Variants in LDLRAD4 observed in about 807,000 individuals in gnomAD.
LDLRAD4 encodes low density lipoprotein receptor class A domain containing 4.
A neutral mutation model predicts 17.0 loss-of-function variants in LDLRAD4; 5 were observed. The observed-to-expected ratio is 0.29, with a 90% CI of 0.15 to 0.62. The LOEUF is 0.62. LDLRAD4 is among the 20% of genes least tolerant of loss of function. LDLRAD4 has a pLI of 0.84. For missense variants in LDLRAD4, 340 were observed against 424.7 expected, an observed-to-expected ratio of 0.80 and a Z score of 1.75; for synonymous variants, 168 against 171.8, an observed-to-expected ratio of 0.98 and a Z score of 0.17.
intron 1 of LDLRAD4, among the ~76,000 whole-genome samples, chr18:13,320,703 T>A (rs1351617058): frequency 1.3e-5 from 2 of 152,160 alleles, no homozygotes; most frequent in Non-Finnish European, 2.9e-5. Context: ...GCTGTGGGAA[T>A]CCCGCTGCCA....
At chr18:13,221,029 T>A (rs2041424881) in intron 1 of LDLRAD4, among the ~76,000 whole-genome samples, 1 of 152,198 alleles carries the variant, frequency 6.6e-6, no homozygotes, top group African/African-American at 2.4e-5. Flanking sequence ...ATCTTTCTGG[T>A]AGTCCTTGCC....
At chr18:13,469,942 A>G (rs2092722404) in intron 3 of LDLRAD4, among the ~76,000 whole-genome samples, 1 of 152,196 alleles carries the variant, frequency 6.6e-6, no homozygotes, top group African/African-American at 2.4e-5. Flanking sequence ...CTAAAAATAA[A>G]TCTAATAATG....
intron 1 of LDLRAD4, among the ~76,000 whole-genome samples, chr18:13,357,362 C>G (rs931803439): frequency 6.6e-6 from 1 of 151,894 alleles, no homozygotes; most frequent in Middle Eastern, 3.2e-3. Context: ...CATGAGCCCC[C>G]ACACCCAGTT....
At chr18:13,245,807 C>T (rs2042927195) in intron 1 of LDLRAD4, among the ~76,000 whole-genome samples, 1 of 152,224 alleles carries the variant, frequency 6.6e-6, no homozygotes, top group Non-Finnish European at 1.5e-5. Flanking sequence ...TGCATGCTGG[C>T]TGTTCTCCAG....
chr18:13,645,303 G>T lies in LDLRAD4; in HGVS notation c.567G>T (p.Leu189=), dbSNP rs562982709. 1.9e-6 allele frequency: 3 copies of T among 1,614,184 alleles called. No homozygotes were observed. Among genetic ancestry groups the T allele is most frequent in the Non-Finnish European group, 2.5e-6 (3 of 1,180,032 alleles). Residue 189 remains leucine, a synonymous_variant, in exon 6 of 6, where the codon CTG becomes CTT. Coordinates refer to ENST00000359446, the Ensembl canonical transcript of LDLRAD4. This position sits in a 1 kb window ranked among gnomAD's most constrained non-coding sequence, Gnocchi z 5.7. ...CTCCTTACCAGGGGCCCTGCACCCT[G>T]CAGCTCCGGGACCCTGAACAGCAGA...
intron 1 of LDLRAD4, among the ~76,000 whole-genome samples, chr18:13,304,307 G>A (rs941726999): frequency 6.6e-6 from 1 of 152,242 alleles, no homozygotes; most frequent in African/African-American, 2.4e-5. Context: ...GGCAGCGTGG[G>A]GAAGGGGAGG....
chr18:13,546,467 C>T (rs970311582), intron 3 of LDLRAD4, among the ~76,000 whole-genome samples: 2 of 151,308 alleles, frequency 1.3e-5, no homozygotes, highest in African/African-American at 2.4e-5. Context: ...TTCCCAGGCT[C>T]AAGCGATTCT....
At chr18:13,426,820 G>A (rs192414535) in intron 2 of LDLRAD4, among the ~76,000 whole-genome samples, 179 of 152,300 alleles carry the variant, frequency 1.2e-3, no homozygotes, top group Non-Finnish European at 2.1e-3. Flanking sequence ...TTCTGGTGTG[G>A]GTTGGTTGAA....
At chr18:13,380,335 G>T (rs2085259341) in intron 1 of LDLRAD4, among the ~76,000 whole-genome samples, 1 of 152,188 alleles carries the variant, frequency 6.6e-6, no homozygotes, top group Admixed American at 6.5e-5. Context: ...AGCATTGCAG[G>T]CTCTCCCTCC....
chr18:13,631,529 C>T (rs957297951), intron 4 of LDLRAD4, among the ~76,000 whole-genome samples: 11 of 152,180 alleles, frequency 7.2e-5, no homozygotes, highest in Non-Finnish European at 1.3e-4. Flanking sequence ...CAAAGCCAGA[C>T]AAAGACACAG....
intron 3 of LDLRAD4, among the ~76,000 whole-genome samples, chr18:13,575,891 A>T (rs1400793610): frequency 6.6e-6 from 1 of 152,220 alleles, no homozygotes; most frequent in African/African-American, 2.4e-5. Context: ...TTGTCTACTC[A>T]TGTCCTCAGC....
chr18:13,641,847 G>C (rs561677630), intron 4 of LDLRAD4: 28 of 985,544 alleles, frequency 2.8e-5, no homozygotes, highest in Non-Finnish European at 1.2e-5. Flanking sequence ...AAGGCCACTG[G>C]GGACAGTCAC....
At chr18:13,609,110 C>T (rs954745115) in intron 3 of LDLRAD4, among the ~76,000 whole-genome samples, 1 of 152,164 alleles carries the variant, frequency 6.6e-6, no homozygotes, top group Non-Finnish European at 1.5e-5. Context: ...GAGAGAGTGC[C>T]GAATGCAAAT....
At chr18:13,235,608 A>G (rs2042296287) in intron 1 of LDLRAD4, among the ~76,000 whole-genome samples, 1 of 152,236 alleles carries the variant, frequency 6.6e-6, no homozygotes, top group African/African-American at 2.4e-5. Context: ...CACATTCTAA[A>G]TAGTGGTGAG....
chr18:13,497,564 G>A (rs1293855070), intron 3 of LDLRAD4, among the ~76,000 whole-genome samples: 2 of 151,616 alleles, frequency 1.3e-5, no homozygotes, highest in African/African-American at 4.9e-5. Flanking sequence ...TTAAAAGGCT[G>A]ACTACTGTGT....
chr18:13,492,262 G>A (rs2093374847), intron 3 of LDLRAD4, among the ~76,000 whole-genome samples: 1 of 152,236 alleles, frequency 6.6e-6, no homozygotes, highest in Non-Finnish European at 1.5e-5. Flanking sequence ...CCCAGTGCAC[G>A]GAAAGGTGAA....
In LDLRAD4 at chr18:13,599,591, C is replaced by T. The variant is rs377561714; in HGVS notation, c.182-21526C>T. Among the ~76,000 whole-genome samples, 104 of 151,008 alleles carry T rather than the reference C, an allele frequency of 6.9e-4. 1 individual carries two copies. The highest frequency in any genetic ancestry group is 5.2e-3 in the South Asian group (25 of 4,786). The stretch of plus-strand genomic sequence containing the variant: ...CTGCAAGCTCCACCTCCTGGGTTCA[C>T]GCCATTTTCCTGCCTCAGCCTCCTG... On this transcript the variant is annotated intron_variant, in intron 3 of 5. Coordinates refer to ENST00000359446, the Ensembl canonical transcript of LDLRAD4.
chr18:13,246,573 C>T (rs1386654498), intron 1 of LDLRAD4, among the ~76,000 whole-genome samples: 1 of 152,240 alleles, frequency 6.6e-6, no homozygotes, highest in Non-Finnish European at 1.5e-5. Flanking sequence ...GATACCACAG[C>T]CCCTAAGGGG....
intron 3 of LDLRAD4, among the ~76,000 whole-genome samples, chr18:13,465,897 C>CT (rs1225344020): frequency 6.6e-6 from 1 of 152,186 alleles, no homozygotes; most frequent in South Asian, 2.1e-4. Context: ...CTCTCTCCCC[C>CT]TTTTTTGCCA....
Sources: gnomAD v4.1 joint callset for allele counts (sites outside exome capture counted in the v4.1 genomes callset) on GRCh38, gnomAD v4.1.1 for gene constraint, Gnocchi (gnomAD v3.1) non-coding constraint, MANE v1.5 for transcripts, NCBI Gene and HGNC (gene_info 2026-07-23, HGNC 2026-07-21) for gene names.